Variants in UCK2 observed in about 807,000 individuals in gnomAD.
UCK2 encodes the protein cytidine monophosphokinase 2.
In UCK2, 6 loss-of-function variants were observed where a neutral mutation model predicts 30.8. That is an observed-to-expected ratio of 0.19 (90% confidence interval 0.11 to 0.38). UCK2 has a LOEUF of 0.38. UCK2 is among the 10% of genes least tolerant of loss of function. The pLI is 1.00. For missense variants in UCK2, 210 were observed against 339.8 expected (o/e 0.62, Z 3.00); for synonymous variants, 125 against 133.6 (o/e 0.94, Z 0.45).
chr1:165,856,031 A>C (rs1446145067), intron 1 of UCK2, among the ~76,000 whole-genome samples: 1 of 152,228 alleles, frequency 6.6e-6, no homozygotes, highest in African/African-American at 2.4e-5. Context: ...GAAAATAGGT[A>C]TGAAAATATA....
chr1:165,857,847 G>A (rs1034234531), intron 1 of UCK2, among the ~76,000 whole-genome samples: 5 of 152,008 alleles, frequency 3.3e-5, no homozygotes, highest in East Asian at 1.9e-4. Flanking sequence ...CCCTCTCAAC[G>A]TTTGCTTTAG....
chr1:165,890,565 A>G (rs1319423310), intron 2 of UCK2, among the ~76,000 whole-genome samples: 2 of 152,236 alleles, frequency 1.3e-5, no homozygotes, highest in Non-Finnish European at 2.9e-5. Context: ...TGCTTGGCTC[A>G]TTAAATACTG....
intron 4 of UCK2, chr1:165,900,110 G>C (rs72701905): frequency 1.3e-5 from 2 of 152,192 alleles, no homozygotes; most frequent in East Asian, 3.9e-4. Context: ...CAGCTGCCCT[G>C]CGGGACTCCT....
rs560235825 is a variant in UCK2, at chr1:165,886,990, T to G, written c.100-3214T>G. On this transcript the variant is annotated intron_variant, in intron 1 of 6. Transcript: ENST00000367879. ...GTTTCTTTGCTTATTTGTGCAATTT[T>G]ATTTATCTCCTTCCTGATAAAGGGC... Among the ~76,000 whole-genome samples the G allele has an allele frequency of 2.6e-5, 4 of 152,362 alleles. No homozygotes were observed. In the South Asian group the frequency reaches 8.3e-4, roughly 32 times the overall value.
At chr1:165,903,130 G>A (rs971929334) in intron 4 of UCK2, 52 bp from the exon 5 acceptor site, 3 of 1,446,284 alleles carry the variant, frequency 2.1e-6, no homozygotes, top group Non-Finnish European at 1.9e-6. Context: ...AAGGGCGGGT[G>A]TGTGCTGGCT....
chr1:165,906,848 A>G (rs943814589), intron 6 of UCK2, among the ~76,000 whole-genome samples: 4 of 152,238 alleles, frequency 2.6e-5, no homozygotes, highest in Admixed American at 6.5e-5. Flanking sequence ...AAGTTATAGC[A>G]ATAAATATTT....
At chr1:165,884,422 A>G (rs1014229466) in intron 1 of UCK2, among the ~76,000 whole-genome samples, 5 of 152,212 alleles carry the variant, frequency 3.3e-5, no homozygotes, top group Non-Finnish European at 7.3e-5. Flanking sequence ...CAGCATGGTT[A>G]TCTGGTCTTC....
At chr1:165,885,669 G>C (rs1378275029) in intron 1 of UCK2, among the ~76,000 whole-genome samples, 2 of 152,208 alleles carry the variant, frequency 1.3e-5, no homozygotes, top group Non-Finnish European at 2.9e-5. Flanking sequence ...GCGCTATGCA[G>C]CTGCAGCCAC....
intron 1 of UCK2, among the ~76,000 whole-genome samples, chr1:165,886,303 T>C (rs1471805504): frequency 6.6e-6 from 1 of 151,904 alleles, no homozygotes; most frequent in African/African-American, 2.4e-5. Flanking sequence ...TTTTCTCTCT[T>C]ATTTTTTTAG....
chr1:165,861,660 CA>C (rs796786633), intron 1 of UCK2, among the ~76,000 whole-genome samples: 1 of 27,226 alleles, frequency 3.7e-5, no homozygotes, highest in Non-Finnish European at 7.1e-5. Context: ...CAAAAAAAAA[CA>C]ACAGTAAAAC....
chr1:165,867,489 C>A (rs1655075246), intron 1 of UCK2, among the ~76,000 whole-genome samples: 1 of 152,156 alleles, frequency 6.6e-6, no homozygotes, highest in Non-Finnish European at 1.5e-5. Context: ...AAAGTCAGTC[C>A]TCTTAAACCT....
intron 1 of UCK2, among the ~76,000 whole-genome samples, chr1:165,873,726 A>T (rs2101872098): frequency 6.6e-6 from 1 of 152,264 alleles, no homozygotes; most frequent in South Asian, 2.1e-4. Context: ...GCCAAGCCTC[A>T]GGAGAAGCTT....
At chr1:165,901,052 G>C (rs148548284) in intron 4 of UCK2, among the ~76,000 whole-genome samples, 90 of 152,272 alleles carry the variant, frequency 5.9e-4, no homozygotes, top group African/African-American at 1.9e-3. Context: ...GGGGACTTCT[G>C]GGGGGTGAGC....
chr1:165,849,939 A>G (rs1013992663), intron 1 of UCK2, among the ~76,000 whole-genome samples: 1 of 152,168 alleles, frequency 6.6e-6, no homozygotes, highest in Non-Finnish European at 1.5e-5. Flanking sequence ...AATTAGGTGT[A>G]GTTAATAACA....
chr1:165,896,873 G>A (rs1190295094), intron 4 of UCK2, among the ~76,000 whole-genome samples: 1 of 152,206 alleles, frequency 6.6e-6, no homozygotes, highest in Admixed American at 6.5e-5. Context: ...TACTAAGTGT[G>A]GGCCTGCCTG....
At chr1:165,855,614 G>A (rs975567228) in intron 1 of UCK2, among the ~76,000 whole-genome samples, 4 of 150,922 alleles carry the variant, frequency 2.7e-5, no homozygotes, top group African/African-American at 9.8e-5. Context: ...TTCTGTTGGT[G>A]TCTGAATATG....
At chr1:165,898,291 A>T (rs1571299070) in intron 4 of UCK2, among the ~76,000 whole-genome samples, 1 of 152,290 alleles carries the variant, frequency 6.6e-6, no homozygotes, top group South Asian at 2.1e-4. Flanking sequence ...ACTTTTTTGT[A>T]TCTCATTTTC....
intron 1 of UCK2, among the ~76,000 whole-genome samples, chr1:165,833,783 A>G (rs1009184133): frequency 6.6e-6 from 1 of 152,134 alleles, no homozygotes; most frequent in Non-Finnish European, 1.5e-5. Context: ...GTATTTTAAA[A>G]TCAATAAAAA....
chr1:165,864,731 G>A (rs922813476), intron 1 of UCK2, among the ~76,000 whole-genome samples: 2 of 152,128 alleles, frequency 1.3e-5, no homozygotes, highest in Non-Finnish European at 2.9e-5. Flanking sequence ...TCAGGCTGGA[G>A]TTCATTGGCA....
Sources: gnomAD v4.1 joint callset for allele counts (sites outside exome capture counted in the v4.1 genomes callset) on GRCh38, gnomAD v4.1.1 for gene constraint, MANE v1.5 for transcripts, NCBI Gene and HGNC (gene_info 2026-07-23, HGNC 2026-07-21) for gene names.